Variants in FBXO4 observed in about 807,000 individuals in gnomAD.
The protein encoded by FBXO4 is F-box only protein 4.
FBXO4 carries 36 observed loss-of-function variants against 43.7 expected under a neutral mutation model. The observed-to-expected ratio is 0.82, with a 90% CI of 0.63 to 1.09. FBXO4 has a LOEUF of 1.09. Among genes scored for constraint, FBXO4 ranks in the 50% least tolerant of loss-of-function variants. The pLI is 0.00. For synonymous variants in FBXO4, 180 were observed against 165.6 expected (o/e 1.09, Z -0.67); for missense variants, 435 against 474.1 (o/e 0.92, Z 0.77).
chr5:42,016,273 A>T, the FBXO4 span, among the ~76,000 whole-genome samples: 3 of 152,264 alleles, frequency 2.0e-5, no homozygotes, highest in African/African-American at 7.2e-5. Flanking sequence ...AATGAGATAC[A>T]AACAGAAAAC....
chr5:41,966,529 C>A, the FBXO4 span, among the ~76,000 whole-genome samples: 1 of 152,170 alleles, frequency 6.6e-6, no homozygotes, highest in Non-Finnish European at 1.5e-5. Context: ...AAGCAAGGAA[C>A]AATCCTTAAC....
At chr5:42,000,797 T>G in the FBXO4 span, among the ~76,000 whole-genome samples, 9 of 152,194 alleles carry the variant, frequency 5.9e-5, no homozygotes, top group African/African-American at 2.2e-4. Context: ...TGCATGTGGA[T>G]ATTGAGTTTT....
the FBXO4 span, among the ~76,000 whole-genome samples, chr5:41,984,934 G>A: frequency 6.6e-6 from 1 of 152,170 alleles, no homozygotes; most frequent in Non-Finnish European, 1.5e-5. Context: ...CTTGCTGTCA[G>A]TACACAACTT....
the FBXO4 span, among the ~76,000 whole-genome samples, chr5:42,020,562 T>A: frequency 6.6e-6 from 1 of 152,188 alleles, no homozygotes. Context: ...GAAGTTTGAT[T>A]TTTCAGTTCA....
chr5:41,929,631 T>C, intron 2 of FBXO4, 66 bp from the exon 3 acceptor site: 1 of 1,189,444 alleles, frequency 8.4e-7, no homozygotes, highest in Admixed American at 2.3e-5. Context: ...CAATAAATTA[T>C]ATATTTTTGA....
the FBXO4 span, among the ~76,000 whole-genome samples, chr5:42,010,284 G>A: frequency 6.6e-6 from 1 of 152,116 alleles, no homozygotes; most frequent in African/African-American, 2.4e-5. Context: ...TGGATCACTA[G>A]GTCAGGAGTA....
At chr5:42,037,430 CA>C in the FBXO4 span, among the ~76,000 whole-genome samples, 1 of 151,972 alleles carries the variant, frequency 6.6e-6, no homozygotes, top group Non-Finnish European at 1.5e-5. Flanking sequence ...ACCATCCCTA[CA>C]AATTTTATAA....
At chr5:41,965,865 C>T in the FBXO4 span, among the ~76,000 whole-genome samples, 1 of 152,150 alleles carries the variant, frequency 6.6e-6, no homozygotes, top group Non-Finnish European at 1.5e-5. Context: ...TTTATTGTGG[C>T]ACTATTCACA....
the FBXO4 span, among the ~76,000 whole-genome samples, chr5:41,949,323 C>G: frequency 6.6e-6 from 1 of 152,112 alleles, no homozygotes; most frequent in Non-Finnish European, 1.5e-5. Flanking sequence ...AAAACCTCAT[C>G]GTCTCAGCCC....
chr5:41,946,801 G>C, the FBXO4 span, among the ~76,000 whole-genome samples: 1 of 152,142 alleles, frequency 6.6e-6, no homozygotes, highest in Non-Finnish European at 1.5e-5. Context: ...TGATCAGAAG[G>C]TTCAATAGAA....
chr5:41,999,721 A>C, the FBXO4 span, among the ~76,000 whole-genome samples: 1 of 151,412 alleles, frequency 6.6e-6, no homozygotes, highest in Non-Finnish European at 1.5e-5. Flanking sequence ...CCAGCATGGA[A>C]GAAAGATGTA....
chr5:41,999,547 A>ATATATATATATATGTG, the FBXO4 span, among the ~76,000 whole-genome samples: 3 of 81,300 alleles, frequency 3.7e-5, no homozygotes, highest in South Asian at 9.4e-4. Context: ...ATATATATGT[A>ATATATATATATATGTG]TATATATATA....
chr5:41,938,351 T>G (rs2112585476), intron 5 of FBXO4, among the ~76,000 whole-genome samples: 1 of 152,186 alleles, frequency 6.6e-6, no homozygotes, highest in South Asian at 2.1e-4. Flanking sequence ...CTAAAAAATG[T>G]ATAATGAAGT....
At chr5:42,038,434 A>T in the FBXO4 span, among the ~76,000 whole-genome samples, 1 of 152,104 alleles carries the variant, frequency 6.6e-6, no homozygotes, top group South Asian at 2.1e-4. Flanking sequence ...CATTCCAGGA[A>T]CTGGTTTTAT....
chr5:41,978,204 G>A, the FBXO4 span, among the ~76,000 whole-genome samples: 1 of 152,056 alleles, frequency 6.6e-6, no homozygotes, highest in South Asian at 2.1e-4. Context: ...TGAACTATAA[G>A]AGCAAGAGCT....
chr5:41,951,820 A>ATTGTG, the FBXO4 span: 1 of 213,618 alleles, frequency 4.7e-6, no homozygotes, highest in East Asian at 1.4e-4. Context: ...CCCTGGAATC[A>ATTGTG]GTAACCACCA....
the FBXO4 span, among the ~76,000 whole-genome samples, chr5:41,998,870 C>T: frequency 6.6e-6 from 1 of 151,854 alleles, no homozygotes; most frequent in African/African-American, 2.4e-5. Context: ...AAGACTCTCA[C>T]TCAGGTAAAT....
At chr5:41,962,436 G>A in the FBXO4 span, among the ~76,000 whole-genome samples, 2 of 152,082 alleles carry the variant, frequency 1.3e-5, no homozygotes, top group Non-Finnish European at 2.9e-5. Flanking sequence ...AGGTTTTTGT[G>A]TTGCCTGAAG....
the FBXO4 span, among the ~76,000 whole-genome samples, chr5:41,993,326 C>A: frequency 3.2e-3 from 488 of 152,024 alleles, 4 homozygotes; most frequent in African/African-American, 0.011. Context: ...ATATATTTGA[C>A]AAATAAGAGT....
Sources: gnomAD v4.1 joint callset for allele counts (sites outside exome capture counted in the v4.1 genomes callset) on GRCh38, gnomAD v4.1.1 for gene constraint, MANE v1.5 for transcripts, NCBI Gene and HGNC (gene_info 2026-07-23, HGNC 2026-07-21) for gene names.